Variants in CHGA observed in about 807,000 individuals in gnomAD.
CHGA encodes chromogranin A.
Under a neutral mutation model 54.4 loss-of-function variants are expected in CHGA, and 41 were observed. The ratio of observed to expected loss-of-function variants is 0.75; its 90% CI spans 0.59 to 0.98. CHGA has a LOEUF of 0.98. Ranked by LOEUF, CHGA falls within the 50% of genes least tolerant of loss-of-function variation. CHGA has a pLI of 0.00. For synonymous variants in CHGA, 249 were observed against 232.8 expected, an observed-to-expected ratio of 1.07 and a Z score of -0.63; for missense variants, 576 against 582.3, an observed-to-expected ratio of 0.99 and a Z score of 0.11.
intron 5 of CHGA, 27 bp downstream of exon 5, chr14:92,929,842 G>A (rs774618337): frequency 6.3e-7 from 1 of 1,598,290 alleles, no homozygotes; most frequent in African/African-American, 1.3e-5. Flanking sequence ...CTGGCCGGAG[G>A]TGGGGAAGGG....
intron 3 of CHGA, 107 bp downstream of exon 3, chr14:92,926,805 G>A: frequency 1.1e-6 from 1 of 925,630 alleles, no homozygotes; most frequent in Non-Finnish European, 1.7e-6. Flanking sequence ...AACAGTCACT[G>A]ACTGAGTGCC....
At position 92,932,722 on chromosome 14, in the gene CHGA, G is replaced by C; in HGVS notation, c.1161G>C (p.Gly387=). ...RARAYGFRGP[G]PQLRRGWRPS... Reference sequence around the variant, plus strand: ...GGGCCTACGGCTTCAGGGGCCCTGGGCCGCAGCTGCGACGAGGCTGGAGGC... The same window carrying C: ...GGGCCTACGGCTTCAGGGGCCCTGGCCCGCAGCTGCGACGAGGCTGGAGGC... The change falls in exon 7 of 8, where the codon GGG becomes GGC. Residue 387 remains glycine (G), a synonymous_variant. Transcript: ENST00000216492. This position sits in a 1 kb window ranked among gnomAD's most constrained non-coding sequence, Gnocchi z 5.3. The C allele has an allele frequency of 6.2e-7, 1 of 1,611,030 alleles. No homozygotes were observed. Among genetic ancestry groups the C allele is most frequent in the South Asian group, 1.1e-5 (1 of 90,492 alleles).
intron 1 of CHGA, 115 bp downstream of exon 1, chr14:92,923,520 GT>G: frequency 1.0e-6 from 1 of 964,182 alleles, no homozygotes. Flanking sequence ...GGCGCGGCGA[GT>G]TTTCAGCACC....
chr14:92,932,951 C>A lies in CHGA; in HGVS notation c.1290+100C>A. 1.4e-6 allele frequency: 2 copies of A among 1,420,278 alleles called. No homozygotes were observed. Among genetic ancestry groups the A allele is most frequent in the South Asian group, 3.2e-5 (2 of 62,304 alleles). The allele number at this position is 1,420,278 out of a possible 1,614,324, so 88.0% of individuals were successfully genotyped here. ...CCCTGCCCCACTGAGGGGACAGGGCCCCCCCGCCGAAGTCTGGGGATGGAG... is the reference window on the plus strand; with the variant it reads ...CCCTGCCCCACTGAGGGGACAGGGCACCCCCGCCGAAGTCTGGGGATGGAG... On this transcript the variant is annotated intron_variant, in intron 7 of 7. Transcript: ENST00000216492. This position sits in a 1 kb window ranked among gnomAD's most constrained non-coding sequence, Gnocchi z 5.3.
intron 2 of CHGA, 86 bp from the exon 3 acceptor site, chr14:92,926,519 C>T: frequency 1.8e-6 from 2 of 1,086,482 alleles, no homozygotes; most frequent in Middle Eastern, 2.0e-4. Flanking sequence ...TACCCTCTGT[C>T]CTCACTAGAA....
intron 2 of CHGA, among the ~76,000 whole-genome samples, chr14:92,925,161 T>C (rs932838551): frequency 5.9e-5 from 9 of 152,222 alleles, no homozygotes; most frequent in African/African-American, 2.2e-4. Flanking sequence ...TTTCTCCTTT[T>C]CCTTGAGGGG....
chr14:92,931,266 A>G lies in CHGA; in HGVS notation c.372A>G (p.Pro124=). The change falls in exon 6 of 8, where the codon CCA becomes CCG. Residue 124 remains proline, a synonymous_variant. Coordinates refer to ENST00000216492, the MANE Select transcript of CHGA (RefSeq NM_001275.4). The stretch of plus-strand genomic sequence containing the variant: ...TGTCTGCAGAGGCGGTGGAAGAGCC[A>G]TCATCCAAGGATGTTATGGAGAAAA... ...QAELKEAVEE[P]SSKDVMEKRE... 6.2e-7 allele frequency: 1 copy of G among 1,610,896 alleles called. No homozygotes were observed. Among genetic ancestry groups the G allele is most frequent in the South Asian group, 1.1e-5 (1 of 91,002 alleles).
At chr14:92,931,159 A>G in intron 5 of CHGA, 91 bp from the exon 6 acceptor site, 1 of 1,354,202 alleles carries the variant, frequency 7.4e-7, no homozygotes, top group Non-Finnish European at 1.0e-6. Flanking sequence ...AAGCCAAGAA[A>G]CATAATGAGT....
chr14:92,925,793 C>T (rs1447554343), intron 2 of CHGA, among the ~76,000 whole-genome samples: 1 of 152,204 alleles, frequency 6.6e-6, no homozygotes, highest in Non-Finnish European at 1.5e-5. Flanking sequence ...GGTATTCTCA[C>T]TCCCGTTTTA....
chr14:92,933,351 C>T (rs1244393417), intron 7 of CHGA: 1 of 154,282 alleles, frequency 6.5e-6, no homozygotes, highest in Non-Finnish European at 1.4e-5. Flanking sequence ...GCTGCGTGGA[C>T]TTGGGAGGGT....
At chr14:92,929,688 G>A (rs750197099) in intron 4 of CHGA, 29 bp from the exon 5 acceptor site, 58 of 1,600,786 alleles carry the variant, frequency 3.6e-5, no homozygotes, top group Non-Finnish European at 4.9e-5. Context: ...TGCACCCAAT[G>A]GGACTTTTCC....
chr14:92,926,227 A>C (rs980380572), intron 2 of CHGA: 1 of 227,138 alleles, frequency 4.4e-6, no homozygotes, highest in Non-Finnish European at 8.9e-6. Context: ...CTTCACGATC[A>C]GAGCACTTTT....
rs867997329 is a variant in CHGA, at chr14:92,934,857, C to A, written c.1347C>A (p.His449Gln). The change falls in exon 8 of 8, where the codon CAC becomes CAA. Residue 449 changes from histidine (H) to glutamine (Q), a missense_variant. By Grantham distance (24) the His-to-Gln change is conservative. Coordinates refer to ENST00000216492, the MANE Select transcript of CHGA (RefSeq NM_001275.4). The part of the protein sequence containing the change: ...AIEAELEKVA[H>Q]QLQALRRG ...AAGCAGAGCTGGAGAAAGTGGCCCACCAGCTGCAGGCACTACGGCGGGGCT... is the reference window on the plus strand; with the variant it reads ...AAGCAGAGCTGGAGAAAGTGGCCCAACAGCTGCAGGCACTACGGCGGGGCT... 1 of 1,582,552 alleles carries A rather than the reference C, an allele frequency of 6.3e-7. No individual in the cohort carries two copies. The highest frequency in any genetic ancestry group is 1.7e-4 in the Middle Eastern group (1 of 6,016).
chr14:92,922,825 C>G (rs1040123352), upstream of CHGA, among the ~76,000 whole-genome samples: 1 of 152,210 alleles, frequency 6.6e-6, no homozygotes, highest in Non-Finnish European at 1.5e-5. Context: ...TGCCAGGGAC[C>G]TCAGTACACA....
chr14:92,922,773 A>G (rs1453719954), upstream of CHGA, among the ~76,000 whole-genome samples: 1 of 152,176 alleles, frequency 6.6e-6, no homozygotes, highest in African/African-American at 2.4e-5. Flanking sequence ...AGCATACCCC[A>G]GGCAGAGGGC....
intron 5 of CHGA, 53 bp from the exon 6 acceptor site, chr14:92,931,197 C>A (rs1027939863): frequency 1.3e-6 from 2 of 1,521,516 alleles, no homozygotes; most frequent in Non-Finnish European, 1.8e-6. Flanking sequence ...TGTGGGGAGG[C>A]CCCACACGTG....
In CHGA at chr14:92,932,446, A is replaced by T. The variant is rs1887022319; in HGVS notation, c.885A>T (p.Gly295=). 6.4e-7 allele frequency: 1 copy of T among 1,563,034 alleles called. No individual in the cohort carries two copies. The highest frequency in any genetic ancestry group is 8.7e-7 in the Non-Finnish European group (1 of 1,153,520). ...AEEAQDPEGK[G]EQEHSQQKEE... ...AGGCTCAGGACCCCGAAGGGAAGGG[A>T]GAACAGGAGCACTCCCAGCAGAAAG... The change falls in exon 7 of 8, where the codon GGA becomes GGT. Residue 295 remains glycine, a synonymous_variant. Transcript: ENST00000216492. This position sits in a 1 kb window ranked among gnomAD's most constrained non-coding sequence, Gnocchi z 5.3.
At chr14:92,929,580 C>T in intron 4 of CHGA, 137 bp from the exon 5 acceptor site, 1 of 746,286 alleles carries the variant, frequency 1.3e-6, no homozygotes, top group African/African-American at 1.7e-5. Context: ...AAGCTCACGC[C>T]CCATCAGTGT....
chr14:92,934,822 TC>T lies in CHGA; in HGVS notation c.1313del (p.Ser438TrpfsTer97). 6.3e-7 allele frequency: 1 copy of T among 1,587,262 alleles called. No individual in the cohort carries two copies. Among genetic ancestry groups the T allele is most frequent in the South Asian group, 1.2e-5 (1 of 86,144 alleles). On this transcript the variant is annotated frameshift_variant, in exon 8 of 8. Coordinates refer to ENST00000216492, the MANE Select transcript of CHGA (RefSeq NM_001275.4). LOFTEE classifies it high-confidence loss of function. ...CTAGGACCAGGAGCTGGAGAGCCTG[TC>T]GGCCATTGAAGCAGAGCTGGAGAAA... Reference protein sequence around the residue: ...RPEDQELESLSAIEAELEKVA... With the variant: ...RPEDQELESLXAIEAELEKVA...
Sources: allele counts gnomAD v4.1 joint callset (sites outside exome capture counted in the v4.1 genomes callset), GRCh38; gene constraint gnomAD v4.1.1; non-coding constraint Gnocchi (gnomAD v3.1); transcripts MANE v1.5; gene names NCBI Gene and HGNC (gene_info 2026-07-23, HGNC 2026-07-21).